Variants in UBA5 observed in about 807,000 individuals in gnomAD.
UBA5 encodes the protein ubiquitin-like modifier-activating enzyme 5.
A neutral mutation model predicts 52.9 loss-of-function variants in UBA5; 28 were observed. That is an observed-to-expected ratio of 0.53 (90% CI 0.39 to 0.73). The LOEUF (loss-of-function observed/expected upper bound fraction) is 0.73, where lower values mean the gene tolerates loss of function less well. Ranked by LOEUF, UBA5 falls within the 30% of genes least tolerant of loss-of-function variation. UBA5 has a pLI of 0.00. For synonymous variants in UBA5, 135 were observed against 162.1 expected (o/e 0.83, Z 1.27); for missense variants, 388 against 492.7 (o/e 0.79, Z 2.01).
intron 11 of UBA5, 60 bp downstream of exon 11, chr3:132,675,983 A>C (rs1938823039): frequency 4.4e-6 from 5 of 1,137,912 alleles, no homozygotes; most frequent in Non-Finnish European, 6.3e-6. Flanking sequence ...TATCATCTTC[A>C]TTCTAATTTG....
chr3:132,679,249 C>T lies in UBA5; in HGVS notation c.*2723C>T, dbSNP rs1015611023. Reference sequence around the variant, plus strand: ...TGCCACTGCACTCCAGTCTGGAAAACAGAGTGAGACTCTGTCTCAAAAAAA... The same window carrying T: ...TGCCACTGCACTCCAGTCTGGAAAATAGAGTGAGACTCTGTCTCAAAAAAA... On this transcript the variant is annotated 3_prime_UTR_variant, in exon 12 of 12. Transcript: ENST00000356232. Among the ~76,000 whole-genome samples, 4 of 151,802 alleles carry T rather than the reference C, an allele frequency of 2.6e-5. No individual in the cohort carries two copies. Among genetic ancestry groups the T allele is most frequent in the South Asian group, 2.1e-4 (1 of 4,794 alleles).
chr3:132,671,619 T>C (rs1388358258), intron 6 of UBA5, among the ~76,000 whole-genome samples, 158 bp from the exon 7 acceptor site: 11 of 152,206 alleles, frequency 7.2e-5, no homozygotes, highest in Admixed American at 7.2e-4. Flanking sequence ...TAGAGTATGG[T>C]AATTACCAAG....
rs1938935515 is a variant in UBA5 at position 132,678,795 on chromosome 3, G to T, written c.*2269G>T. Among the ~76,000 whole-genome samples the T allele has an allele frequency of 6.6e-6, 1 of 151,822 alleles. No individual in the cohort carries two copies. Among genetic ancestry groups the T allele is most frequent in the Non-Finnish European group, 1.5e-5 (1 of 67,968 alleles). On this transcript the variant is annotated 3_prime_UTR_variant, in exon 12 of 12. Coordinates refer to ENST00000356232, the MANE Select transcript of UBA5 (RefSeq NM_024818.6). ...CTCCCAAGTAGCTGGGATTACAGGTGCCCGCCACCACGCATGGCTAATTTT... is the reference window on the plus strand; with the variant it reads ...CTCCCAAGTAGCTGGGATTACAGGTTCCCGCCACCACGCATGGCTAATTTT...
At chr3:132,661,476 A>T (rs1166487303) in intron 1 of UBA5, among the ~76,000 whole-genome samples, 1 of 152,192 alleles carries the variant, frequency 6.6e-6, no homozygotes, top group South Asian at 2.1e-4. Flanking sequence ...CTTATACAAG[A>T]TTTTATTGCT....
Position 132,668,942 on chromosome 3 carries a change from A to T in UBA5, c.407+15A>T, listed in dbSNP as rs765475609. 1.2e-5 allele frequency: 17 copies of T among 1,467,682 alleles called. No homozygotes were observed. Among genetic ancestry groups the T allele is most frequent in the Middle Eastern group, 1.7e-4 (1 of 5,746 alleles). 90.9% of individuals were successfully genotyped at this position (1,467,682 alleles called of 1,614,324 possible). On this transcript the variant is annotated intron_variant, in intron 4 of 11. Transcript: ENST00000356232. ...CATACTCTGAGGTAAATGGAATAGC[A>T]ATCAAGTACCATATTCAGTGAAATC...
At chr3:132,668,671 T>A (rs1938476531) in intron 3 of UBA5, 147 bp from the exon 4 acceptor site, 2 of 514,958 alleles carry the variant, frequency 3.9e-6, no homozygotes, top group Admixed American at 3.7e-5. Context: ...ATTCAATGAA[T>A]TAATATATGG....
intron 3 of UBA5, 77 bp from the exon 4 acceptor site, chr3:132,668,741 A>G: frequency 1.1e-6 from 1 of 885,150 alleles, no homozygotes; most frequent in Non-Finnish European, 1.8e-6. Flanking sequence ...ATTAAATGTA[A>G]AGCTCTCTAA....
chr3:132,665,086 T>C (rs1053551172), intron 1 of UBA5, among the ~76,000 whole-genome samples: 1 of 151,992 alleles, frequency 6.6e-6, no homozygotes, highest in African/African-American at 2.4e-5. Flanking sequence ...GGGAAGTTGG[T>C]GGGATGGAAG....
Position 132,668,890 on chromosome 3 carries a change from G to C in UBA5, c.370G>C (p.Gly124Arg). ...ACTTTTCTTCCAACCTCATCAAGCA[G>C]GATTAAGTAAAGTTCAAGCAGCAGA... ...NRLFFQPHQAGLSKVQAAEHT... is the reference protein window; with the variant it reads ...NRLFFQPHQARLSKVQAAEHT... The change falls in exon 4 of 12, where the codon GGA (glycine) becomes CGA (arginine). Residue 124 changes from glycine (G) to arginine (R), a missense_variant. Gly to Arg is a moderately radical substitution (Grantham distance 125, BLOSUM62 -2). Coordinates refer to ENST00000356232, the MANE Select transcript of UBA5 (RefSeq NM_024818.6). 1 of 1,610,932 alleles carries C rather than the reference G, an allele frequency of 6.2e-7. No individual in the cohort carries two copies. Among genetic ancestry groups the C allele is most frequent in the Non-Finnish European group, 8.5e-7 (1 of 1,179,068 alleles).
intron 3 of UBA5, chr3:132,667,237 A>G (rs1239131319): frequency 6.6e-6 from 1 of 152,190 alleles, no homozygotes; most frequent in Non-Finnish European, 1.5e-5. Context: ...ATTCATTTGC[A>G]TATTAAAGTT....
chr3:132,656,463 T>C (rs1437585583), upstream of UBA5, among the ~76,000 whole-genome samples: 2 of 151,924 alleles, frequency 1.3e-5, no homozygotes, highest in Admixed American at 6.6e-5. Context: ...TGAGTCCCTG[T>C]TGCCCCATAT....
chr3:132,656,665 C>A (rs1026924089), upstream of UBA5, among the ~76,000 whole-genome samples: 9 of 151,700 alleles, frequency 5.9e-5, no homozygotes, highest in African/African-American at 2.2e-4. Context: ...CAGCTAATTT[C>A]GTATTTTTAG....
At position 132,671,039 on chromosome 3, in the gene UBA5, C is replaced by T; in HGVS notation, c.569C>T (p.Thr190Ile). The change falls in exon 6 of 12, where the codon ACA becomes ATA. Residue 190 changes from threonine to isoleucine, a missense_variant. Thr to Ile is a moderately conservative substitution (Grantham distance 89, BLOSUM62 -1). Around this residue, in one of 3 missense-constraint regions of UBA5, gnomAD observed 277 missense variants for 326.4 expected, o/e 0.85. Coordinates refer to ENST00000356232, the MANE Select transcript of UBA5 (RefSeq NM_024818.6). ...GTGGACAATTTTGAAGCTCGAATGA[C>T]AATAAATACAGTGAGTATTCCTGCT... is the stretch of plus-strand genomic sequence containing the variant. The part of the protein sequence containing the change: ...SCVDNFEARM[T>I]INTACNELGQ... The T allele has an allele frequency of 6.2e-7, 1 of 1,612,434 alleles. No individual in the cohort carries two copies. The highest frequency in any genetic ancestry group is 8.5e-7 in the Non-Finnish European group (1 of 1,178,870).
At chr3:132,659,433 G>A (rs1576634335), upstream of UBA5, 1 of 854,494 alleles carries the variant, frequency 1.2e-6, no homozygotes, top group East Asian at 3.0e-5. Flanking sequence ...GAAGCCCCCA[G>A]CATCGAATTC....
Position 132,678,759 on chromosome 3 carries a change from C to T in UBA5, c.*2233C>T, listed in dbSNP as rs181901420. Among the ~76,000 whole-genome samples, 1,430 of 152,092 alleles carry T rather than the reference C, an allele frequency of 9.4e-3. 23 individuals carry two copies. The highest frequency in any genetic ancestry group is 0.032 in the African/African-American group (1,348 of 41,520). On this transcript the variant is annotated 3_prime_UTR_variant, in exon 12 of 12. Transcript: ENST00000356232. ...CCGCCTCCCAGGTTCAAGCGATTCT[C>T]CTGCCTCAGCCTCCCAAGTAGCTGG...
Position 132,660,499 on chromosome 3 carries a change from A to C in UBA5, c.-39A>C. On this transcript the variant is annotated 5_prime_UTR_variant, in exon 1 of 12. Transcript: ENST00000356232. The surrounding 1 kb of genome is among the most constrained non-coding windows in gnomAD (Gnocchi z 4.1). ...CAACGTGGGGCGAAGGCGGCGGCGA[A>C]GGCCCGGGCTGGGAGCGTTGGCGGC... 3 of 1,544,028 alleles carry C rather than the reference A, an allele frequency of 1.9e-6. No individual in the cohort carries two copies. In the South Asian group the frequency reaches 3.6e-5, roughly 18 times the overall value.
chr3:132,671,754 T>C, intron 6 of UBA5, 23 bp from the exon 7 acceptor site: 2 of 1,558,968 alleles, frequency 1.3e-6, no homozygotes, highest in Non-Finnish European at 8.7e-7. Context: ...TTTTTCCTTA[T>C]GTTTTCACCC....
intron 8 of UBA5, among the ~76,000 whole-genome samples, chr3:132,673,659 A>G (rs1220506385): frequency 2.0e-5 from 3 of 147,508 alleles, no homozygotes; most frequent in African/African-American, 7.7e-5. Flanking sequence ...AGAGTTTTCT[A>G]TAGTACTTTT....
At position 132,660,432 on chromosome 3, in the gene UBA5, G is replaced by A; in HGVS notation, c.-106G>A. ...CAGGGCTCTGGGCTAGGAAGGCAGC[G>A]GCGAGGTGCCTCCCCACGTACCCCT... On this transcript the variant is annotated 5_prime_UTR_variant, in exon 1 of 12. Coordinates refer to ENST00000356232, the MANE Select transcript of UBA5 (RefSeq NM_024818.6). This position sits in a 1 kb window ranked among gnomAD's most constrained non-coding sequence, Gnocchi z 4.1. 7.1e-7 allele frequency: 1 copy of A among 1,412,846 alleles called. No individual in the cohort carries two copies. The highest frequency in any genetic ancestry group is 1.3e-5 in the South Asian group (1 of 76,386). 87.5% of individuals were successfully genotyped at this position (1,412,846 alleles called of 1,614,324 possible).
Sources: allele counts gnomAD v4.1 joint callset (sites outside exome capture counted in the v4.1 genomes callset), GRCh38; gene constraint gnomAD v4.1.1; regional missense constraint gnomAD v4.1.1; non-coding constraint Gnocchi (gnomAD v3.1); transcripts MANE v1.5; gene names NCBI Gene and HGNC (gene_info 2026-07-23, HGNC 2026-07-21).